CTPS1: variants seen among roughly 807,000 people sequenced by gnomAD.
CTPS1 encodes the protein CTP synthase 1, also known as CTP synthetase 1.
CTPS1 carries 25 observed loss-of-function variants against 80.5 expected under a neutral mutation model. That is an observed-to-expected ratio of 0.31 (90% CI 0.23 to 0.43). CTPS1 has a LOEUF of 0.43. Ranked by LOEUF, CTPS1 falls within the 20% of genes least tolerant of loss-of-function variation. The pLI, the probability that CTPS1 is intolerant of heterozygous loss-of-function variation, is 1.00. For synonymous variants in CTPS1, 267 were observed against 252.5 expected, an observed-to-expected ratio of 1.06 and a Z score of -0.54; for missense variants, 442 against 725.7, an observed-to-expected ratio of 0.61 and a Z score of 4.49.
At chr1:40,987,333 G>A in intron 3 of CTPS1, 39 bp from the exon 4 acceptor site, 1 of 1,436,304 alleles carries the variant, frequency 7.0e-7, no homozygotes, top group Non-Finnish European at 9.8e-7. Flanking sequence ...CAATGTAGAT[G>A]GACAAGCGTA....
rs11209342 is a variant in CTPS1 at position 41,003,994 on chromosome 1, A to C, written c.1252+818A>C. On this transcript the variant is annotated intron_variant, in intron 12 of 18. Transcript: ENST00000650070. ...TTCCTCACACAGGGTGGGCAGCTGG[A>C]CTCCAAAATGACAGGCCTGTTATGC... 0.35 allele frequency: 53,528 copies of C among 152,076 alleles called. 10,914 individuals carry two copies. Among genetic ancestry groups the C allele is most frequent in the Admixed American group, 0.5 (7,698 of 15,282 alleles). 9.4% of individuals were successfully genotyped at this position (152,076 alleles called of 1,614,324 possible).
chr1:40,996,483 A>G (rs1642755113), intron 8 of CTPS1, among the ~76,000 whole-genome samples: 1 of 152,206 alleles, frequency 6.6e-6, no homozygotes, highest in Non-Finnish European at 1.5e-5. Flanking sequence ...ACCCCACACC[A>G]GAAAGGGATC....
chr1:40,991,834 G>A lies in CTPS1; in HGVS notation c.709G>A (p.Glu237Lys). 6.2e-7 allele frequency: 1 copy of A among 1,613,508 alleles called. No individual in the cohort carries two copies. The highest frequency in any genetic ancestry group is 8.5e-7 in the Non-Finnish European group (1 of 1,179,466). ...GAAAATATCAATGTTCTGCCATGTT[G>A]AGCCTGAACAAGTGAGTAGAAATTC... ...KEKISMFCHVEPEQVICVHDV... is the reference protein window; with the variant it reads ...KEKISMFCHVKPEQVICVHDV... The change falls in exon 7 of 19, where the codon GAG becomes AAG. Residue 237 changes from glutamate to lysine, a missense_variant. Transcript: ENST00000650070.
chr1:40,992,682 AT>A (rs67623913), intron 7 of CTPS1, among the ~76,000 whole-genome samples: 28,371 of 127,880 alleles, frequency 0.22, 3,278 homozygotes, highest in Admixed American at 0.36. Flanking sequence ...AAATTGTTCA[AT>A]TTTTTTTTTT....
At chr1:40,984,410 T>A (rs1210854978) in intron 2 of CTPS1, among the ~76,000 whole-genome samples, 1 of 152,248 alleles carries the variant, frequency 6.6e-6, no homozygotes, top group Non-Finnish European at 1.5e-5. Context: ...AAGCTTAATA[T>A]GCATATATCC....
At chr1:41,001,270 TA>T (rs1374046602) in intron 10 of CTPS1, among the ~76,000 whole-genome samples, 153 bp downstream of exon 10, 1 of 152,236 alleles carries the variant, frequency 6.6e-6, no homozygotes, top group South Asian at 2.1e-4. Context: ...ATTTAATCCT[TA>T]AAAAATGCAG....
At chr1:40,980,943 C>CT (rs1438850225) in intron 1 of CTPS1, 3 of 152,570 alleles carry the variant, frequency 2.0e-5, no homozygotes, top group Non-Finnish European at 4.4e-5. Flanking sequence ...GTCGTGCAGT[C>CT]AGTCCTTCAA....
chr1:41,007,547 T>G lies in CTPS1; in HGVS notation c.1393+2T>G, dbSNP rs2148418968. On this transcript the variant is annotated splice_donor_variant, in intron 14 of 18. Coordinates refer to ENST00000650070, the MANE Select transcript of CTPS1 (RefSeq NM_001905.4). LOFTEE classifies it high-confidence loss of function. The surrounding 1 kb of genome is among the most constrained non-coding windows in gnomAD (Gnocchi z 4.4). ...TCCAGACCAAGAACTCAGTCATGAG[T>G]AAGAGCTGCCTCACGCTGGCCCAGC... The G allele has an allele frequency of 6.2e-7, 1 of 1,613,478 alleles. No individual in the cohort carries two copies. Among genetic ancestry groups the G allele is most frequent in the Non-Finnish European group, 8.5e-7 (1 of 1,179,646 alleles).
intron 9 of CTPS1, 149 bp from the exon 10 acceptor site, chr1:41,000,880 G>T: frequency 4.7e-6 from 2 of 427,366 alleles, no homozygotes; most frequent in Non-Finnish European, 8.4e-6. Flanking sequence ...ATATTAAGTT[G>T]ATCACTTTAA....
chr1:40,981,403 G>T (rs1396905378), intron 1 of CTPS1, among the ~76,000 whole-genome samples: 1 of 152,242 alleles, frequency 6.6e-6, no homozygotes, highest in Non-Finnish European at 1.5e-5. Flanking sequence ...AATGTAATTG[G>T]ATGAGATGAA....
chr1:40,995,527 G>T (rs775420353), intron 7 of CTPS1, among the ~76,000 whole-genome samples: 2 of 151,938 alleles, frequency 1.3e-5, no homozygotes, highest in Non-Finnish European at 2.9e-5. Context: ...CCCCCAGTTA[G>T]CTGAGACTAC....
chr1:40,986,295 T>C (rs1383417990), intron 3 of CTPS1, among the ~76,000 whole-genome samples: 1 of 152,122 alleles, frequency 6.6e-6, no homozygotes, highest in Admixed American at 6.5e-5. Context: ...GAGAGTGGAA[T>C]GAGAAGTGCG....
intron 17 of CTPS1, 102 bp from the exon 18 acceptor site, chr1:41,010,059 C>G (rs1643130432): frequency 1.4e-6 from 1 of 696,882 alleles, no homozygotes; most frequent in Non-Finnish European, 2.5e-6. Flanking sequence ...TGATTCCTGC[C>G]ATGTGCAGGC....
At position 41,012,117 on chromosome 1, in the gene CTPS1, A is replaced by G. The variant is rs887104912; in HGVS notation, c.*469A>G. The G allele has an allele frequency of 6.6e-6, 1 of 152,222 alleles. No individual in the cohort carries two copies. The highest frequency in any genetic ancestry group is 1.5e-5 in the Non-Finnish European group (1 of 68,042). The allele number at this position is 152,222 out of a possible 1,614,324, so 9.4% of individuals were successfully genotyped here. On this transcript the variant is annotated 3_prime_UTR_variant, in exon 19 of 19. Transcript: ENST00000650070. ...TCAGGGTATTGCTTGCCACTAAGCCATGAAACCAGAGACAAAATCTCTATA... is the reference window on the plus strand; with the variant it reads ...TCAGGGTATTGCTTGCCACTAAGCCGTGAAACCAGAGACAAAATCTCTATA...
Position 41,009,452 on chromosome 1 carries a change from CT to C in CTPS1, c.1560del (p.Phe520LeufsTer64). 1.9e-6 allele frequency: 3 copies of C among 1,569,734 alleles called. No homozygotes were observed. Among genetic ancestry groups the C allele is most frequent in the Non-Finnish European group, 2.6e-6 (3 of 1,161,612 alleles). ...TTTGAATCTCTATTTCAGATCATCCCTTTTTTGTTGGGGTTCAGTACCACCC... is the reference window on the plus strand; with the variant it reads ...TTTGAATCTCTATTTCAGATCATCCCTTTTTGTTGGGGTTCAGTACCACCC... ...MEIVELEDHPFFVGVQYHPEF... is the reference protein window; with the variant it reads ...MEIVELEDHPXFVGVQYHPEF... On this transcript the variant is annotated frameshift_variant, in exon 17 of 19. Transcript: ENST00000650070. LOFTEE classifies it high-confidence loss of function.
chr1:40,991,662 G>C (rs951022539), intron 6 of CTPS1, 103 bp from the exon 7 acceptor site: 2 of 744,520 alleles, frequency 2.7e-6, no homozygotes, highest in African/African-American at 3.5e-5. Context: ...TAACGTTTTC[G>C]TTCATCTTAA....
intron 1 of CTPS1, 60 bp from the exon 2 acceptor site, chr1:40,983,218 C>T (rs960475231): frequency 2.8e-6 from 4 of 1,433,988 alleles, no homozygotes; most frequent in Non-Finnish European, 3.8e-6. Flanking sequence ...GTGTTTGAAC[C>T]CAGATGAGTT....
intron 4 of CTPS1, 44 bp from the exon 5 acceptor site, chr1:40,988,550 G>A (rs1436801958): frequency 7.6e-7 from 1 of 1,318,348 alleles, no homozygotes; most frequent in South Asian, 1.2e-5. Context: ...AACTGCCAGA[G>A]AAGGGTTTAG....
chr1:40,999,238 C>T (rs1642837907), intron 9 of CTPS1, among the ~76,000 whole-genome samples: 2 of 152,062 alleles, frequency 1.3e-5, no homozygotes, highest in African/African-American at 2.4e-5. Flanking sequence ...AGATGTGGAG[C>T]AGTTGGAAAC....
Sources: allele counts gnomAD v4.1 joint callset (sites outside exome capture counted in the v4.1 genomes callset), GRCh38; gene constraint gnomAD v4.1.1; non-coding constraint Gnocchi (gnomAD v3.1); transcripts MANE v1.5; gene names NCBI Gene and HGNC (gene_info 2026-07-23, HGNC 2026-07-21).